ESPL1: variants seen among roughly 807,000 people sequenced by gnomAD.
ESPL1 encodes the protein extra spindle pole bodies like 1, separase.
Under a neutral mutation model 217.2 loss-of-function variants are expected in ESPL1, and 50 were observed. The observed-to-expected ratio is 0.23, with a 90% CI of 0.18 to 0.29. The LOEUF (loss-of-function observed/expected upper bound fraction) is 0.29, where lower values mean the gene tolerates loss of function less well. Among genes scored for constraint, ESPL1 ranks in the 10% least tolerant of loss-of-function variants. The probability of loss-of-function intolerance (pLI) is 1.00; values close to 1 mark genes in which losing one functional copy is unlikely to be tolerated. For missense variants in ESPL1, 1,834 were observed against 2,603.0 expected (o/e 0.70, Z 6.43); for synonymous variants, 994 against 1,081.3 (o/e 0.92, Z 1.58).
intron 17 of ESPL1, 70 bp from the exon 18 acceptor site, chr12:53,285,854 C>T (rs1381211591): frequency 1.5e-6 from 2 of 1,345,246 alleles, no homozygotes; most frequent in Non-Finnish European, 2.0e-6. Context: ...AATTGGGCCC[C>T]AAGGTCGCTC....
At chr12:53,281,004 AGT>A (rs1054364666) in intron 12 of ESPL1, among the ~76,000 whole-genome samples, 7 of 151,944 alleles carry the variant, frequency 4.6e-5, no homozygotes, top group Non-Finnish European at 7.4e-5. Context: ...AAAAAAAAAA[AGT>A]GGTTAACCAA....
chr12:53,270,213 G>A (rs1943644455), intron 3 of ESPL1, 128 bp downstream of exon 3: 5 of 995,532 alleles, frequency 5.0e-6, no homozygotes, highest in East Asian at 2.4e-5. Context: ...AGTGCCTAGC[G>A]AGCCAGCAAA....
rs557990780 is a variant in ESPL1, at chr12:53,276,836, C to A, written c.1917C>A (p.His639Gln). ...LVELAQVLCY[H>Q]DFTQQTNCSA... Reference sequence around the variant, plus strand: ...AACTGGCTCAGGTGCTCTGCTACCACGACTTTACGCAGCAGACCAACTGGT... The same window carrying A: ...AACTGGCTCAGGTGCTCTGCTACCAAGACTTTACGCAGCAGACCAACTGGT... The change falls in exon 8 of 31, where the codon CAC becomes CAA. Residue 639 changes from histidine to glutamine, a missense_variant. Transcript: ENST00000257934. The A allele has an allele frequency of 6.2e-7, 1 of 1,613,852 alleles. No individual in the cohort carries two copies. Among genetic ancestry groups the A allele is most frequent in the East Asian group, 2.2e-5 (1 of 44,894 alleles).
At position 53,277,586 on chromosome 12, in the gene ESPL1, C is replaced by T. The variant is rs1346342632; in HGVS notation, c.2202C>T (p.Ala734=). The change falls in exon 10 of 31, where the codon GCC becomes GCT. Residue 734 remains alanine (A), a synonymous_variant. Coordinates refer to ENST00000257934, the MANE Select transcript of ESPL1 (RefSeq NM_012291.5). ...ATCGTTTCCTATACAGTAACATTGCCTTCAACCTGGCTGCAGATGCTGGTG... is the reference window on the plus strand; with the variant it reads ...ATCGTTTCCTATACAGTAACATTGCTTTCAACCTGGCTGCAGATGCTGGTG... The part of the protein sequence containing the change: ...QEDRFLYSNI[A]FNLAADAAQS... 3 of 1,614,070 alleles carry T rather than the reference C, an allele frequency of 1.9e-6. No homozygotes were observed. In the African/African-American group the frequency reaches 4.0e-5, roughly 22 times the overall value.
In ESPL1 at chr12:53,276,749, C is replaced by G; in HGVS notation, c.1830C>G (p.Leu610=). The change falls in exon 8 of 31, where the codon CTC becomes CTG. Residue 610 remains leucine (L), a synonymous_variant. Transcript: ENST00000257934. ...GQERFNIICD[L]LELSPEETPA... ...AACGCTTCAACATCATCTGTGACCT[C>G]CTGGAGCTGAGCCCCGAGGAGACAC... 6 of 1,613,806 alleles carry G rather than the reference C, an allele frequency of 3.7e-6. No individual in the cohort carries two copies. Among genetic ancestry groups the G allele is most frequent in the Non-Finnish European group, 5.1e-6 (6 of 1,180,032 alleles).
At chr12:53,281,909 G>C (rs1015020987) in intron 13 of ESPL1, among the ~76,000 whole-genome samples, 1 of 152,194 alleles carries the variant, frequency 6.6e-6, no homozygotes, top group African/African-American at 2.4e-5. Flanking sequence ...GGGAGCTCTG[G>C]ACTAGAAATC....
chr12:53,289,420 C>G lies in ESPL1; in HGVS notation c.4939C>G (p.Arg1647Gly). Reference protein sequence around the residue: ...HRQLSKAQKHRGSLEIADQLQ... With the variant: ...HRQLSKAQKHGGSLEIADQLQ... ...TGCTTGCAGCAAGGCCCAGAAGCAC[C>G]GAGGATCACTTGAAATAGCAGACCA... Residue 1647 changes from arginine (R) to glycine (G), a missense_variant, in exon 22 of 31, where the codon CGA (arginine) becomes GGA (glycine). Arg to Gly is a moderately radical substitution (Grantham distance 125, BLOSUM62 -2). This residue lies in a region of ESPL1 where 681 missense variants were observed against 808.0 expected (regional missense o/e 0.84). Coordinates refer to ENST00000257934, the MANE Select transcript of ESPL1 (RefSeq NM_012291.5). The G allele has an allele frequency of 1.9e-6, 3 of 1,613,770 alleles. No homozygotes were observed. Among genetic ancestry groups the G allele is most frequent in the Non-Finnish European group, 2.5e-6 (3 of 1,179,956 alleles).
chr12:53,281,518 A>G lies in ESPL1; in HGVS notation c.2511A>G (p.Glu837=), dbSNP rs1366228036. The G allele has an allele frequency of 1.2e-6, 2 of 1,613,808 alleles. No homozygotes were observed. The highest frequency in any genetic ancestry group is 1.7e-6 in the Non-Finnish European group (2 of 1,179,800). ...GCPSYAQLHL[E]EAASSLKHLD... is the part of the protein sequence containing the mutation. ...GATTGCTTCCTTAGTTACACCTGGA[A>G]GAGGCAGCATCGAGCCTGAAGCATC... The change falls in exon 13 of 31, where the codon GAA becomes GAG. Residue 837 remains glutamate (E), a synonymous_variant. Coordinates refer to ENST00000257934, the MANE Select transcript of ESPL1 (RefSeq NM_012291.5).
chr12:53,273,274 C>T (rs1486084313), intron 6 of ESPL1, among the ~76,000 whole-genome samples: 2 of 150,710 alleles, frequency 1.3e-5, no homozygotes, highest in East Asian at 2.0e-4. Context: ...AACTCCAGAC[C>T]TCAGGTGATC....
At chr12:53,289,651 G>A (rs1944018074) in intron 22 of ESPL1, 57 bp downstream of exon 22, 2 of 1,472,398 alleles carry the variant, frequency 1.4e-6, no homozygotes, top group East Asian at 2.3e-5. Flanking sequence ...TTCTTACTTG[G>A]GAGCTGGGTG....
Position 53,268,814 on chromosome 12 carries a change from G to A in ESPL1, c.48G>A (p.Gln16=), listed in dbSNP as rs777383104. 1 of 1,612,736 alleles carries A rather than the reference G, an allele frequency of 6.2e-7. No individual in the cohort carries two copies. Among genetic ancestry groups the A allele is most frequent in the East Asian group, 2.2e-5 (1 of 44,876 alleles). ...ACTTTGGGACTCTGCTAAGCAGCCA[G>A]AAGGAGGCTGAAGAGTTGCTGCCCG... ...RVNFGTLLSS[Q]KEAEELLPAL... is the part of the protein sequence containing the mutation. The change falls in exon 2 of 31, where the codon CAG becomes CAA. Residue 16 remains glutamine, a synonymous_variant. Coordinates refer to ENST00000257934, the MANE Select transcript of ESPL1 (RefSeq NM_012291.5).
chr12:53,271,576 G>A (rs1025587258), intron 5 of ESPL1, among the ~76,000 whole-genome samples: 12 of 151,538 alleles, frequency 7.9e-5, no homozygotes, highest in Middle Eastern at 3.4e-3. Context: ...CAGGAGAGTC[G>A]CTTGAACCTG....
rs138556813 is a variant in ESPL1 at position 53,272,842 on chromosome 12, G to A, written c.1491G>A (p.Glu497=). ...TGGTGAAGCCAGGCACTTATCCCGA[G>A]GTGCCTCCTGAGAAGGTACAAGGGA... is the stretch of plus-strand genomic sequence containing the variant. ...LGLVKPGTYP[E]VPPEKLHRCF... The change falls in exon 6 of 31, where the codon GAG becomes GAA. Residue 497 remains glutamate (E), a synonymous_variant. Transcript: ENST00000257934. 295 of 1,613,928 alleles carry A rather than the reference G, an allele frequency of 1.8e-4. 2 individuals are homozygous for A. Among genetic ancestry groups the A allele is most frequent in the African/African-American group, 4.9e-4 (37 of 75,014 alleles).
At chr12:53,280,536 T>C (rs952369971) in intron 12 of ESPL1, among the ~76,000 whole-genome samples, 2 of 152,142 alleles carry the variant, frequency 1.3e-5, no homozygotes, top group African/African-American at 4.8e-5. Context: ...ACCTGGCTAA[T>C]TTTTAAATGT....
In ESPL1 at chr12:53,292,298, G is replaced by C; in HGVS notation, c.5817G>C (p.Leu1939=). Residue 1939 remains leucine, a synonymous_variant, in exon 28 of 31, where the codon CTG becomes CTC. Transcript: ENST00000257934. The surrounding 1 kb of genome is among the most constrained non-coding windows in gnomAD (Gnocchi z 4.5). ...CTCAGTATGGGGCCTCGCCAGTGCTGAGTCAAGGGGTGGATCCACGAAGTA... is the reference window on the plus strand; with the variant it reads ...CTCAGTATGGGGCCTCGCCAGTGCTCAGTCAAGGGGTGGATCCACGAAGTA... The part of the protein sequence containing the change: ...IIKEYGASPV[L]SQGVDPRSTF... 1 of 1,613,750 alleles carries C rather than the reference G, an allele frequency of 6.2e-7. No individual in the cohort carries two copies. Among genetic ancestry groups the C allele is most frequent in the Non-Finnish European group, 8.5e-7 (1 of 1,179,664 alleles).
rs1326455614 is a variant in ESPL1 at position 53,292,957 on chromosome 12, A to C, written c.6148A>C (p.Ile2050Leu). Residue 2050 changes from isoleucine (I) to leucine (L), a missense_variant, in exon 30 of 31, where the codon ATC becomes CTC. Coordinates refer to ENST00000257934, the MANE Select transcript of ESPL1 (RefSeq NM_012291.5). The surrounding 1 kb of genome is among the most constrained non-coding windows in gnomAD (Gnocchi z 4.5). ...LEGAGIVLKY[I>L]MAGCPLFLGN... ...GGGGGCTGGCATCGTGCTCAAGTAC[A>C]TCATGGCTGGTTGGTGAGTCTCCAA... The C allele has an allele frequency of 6.2e-7, 1 of 1,613,370 alleles. No individual in the cohort carries two copies. The highest frequency in any genetic ancestry group is 8.5e-7 in the Non-Finnish European group (1 of 1,179,902).
chr12:53,269,725 C>G lies in ESPL1; in HGVS notation c.783C>G (p.Arg261=). 1.2e-6 allele frequency: 2 copies of G among 1,614,202 alleles called. No homozygotes were observed. Among genetic ancestry groups the G allele is most frequent in the Non-Finnish European group, 1.7e-6 (2 of 1,180,050 alleles). ...LLELTLEHCR[R]FCWSRHHDKA... The stretch of plus-strand genomic sequence containing the variant: ...AGCTCACCTTGGAACACTGCCGTCG[C>G]TTTTGCTGGAGCCGCCACCATGACA... The change falls in exon 3 of 31, where the codon CGC becomes CGG. Residue 261 remains arginine (R), a synonymous_variant. Coordinates refer to ENST00000257934, the MANE Select transcript of ESPL1 (RefSeq NM_012291.5). The surrounding 1 kb of genome is among the most constrained non-coding windows in gnomAD (Gnocchi z 6.7).
At chr12:53,279,965 C>G (rs1943834570) in intron 12 of ESPL1, 99 bp downstream of exon 12, 1 of 1,314,460 alleles carries the variant, frequency 7.6e-7, no homozygotes, top group African/African-American at 1.5e-5. Flanking sequence ...AGCTTCTCGG[C>G]CTTTTACCAC....
At chr12:53,289,776 T>C (rs1274156858) in intron 22 of ESPL1, 182 bp downstream of exon 22, 2 of 627,036 alleles carry the variant, frequency 3.2e-6, no homozygotes, top group Non-Finnish European at 5.4e-6. Context: ...ACCTCAACTT[T>C]GAATTACCAG....
Sources: gnomAD v4.1 joint callset for allele counts (sites outside exome capture counted in the v4.1 genomes callset) on GRCh38, gnomAD v4.1.1 for gene constraint, gnomAD v4.1.1 regional missense constraint, Gnocchi (gnomAD v3.1) non-coding constraint, MANE v1.5 for transcripts, NCBI Gene and HGNC (gene_info 2026-07-23, HGNC 2026-07-21) for gene names.